Variants in CD99L2 observed in about 807,000 individuals in gnomAD.
The protein encoded by CD99L2 is CD99 molecule like 2, also known as CD99 antigen-like protein 2.
CD99L2 carries 24 observed loss-of-function variants against 27.3 expected under a neutral mutation model. The ratio of observed to expected loss-of-function variants is 0.88; its 90% CI spans 0.64 to 1.24. The LOEUF is 1.24. Among genes scored for constraint, CD99L2 ranks in the 50% most tolerant of loss-of-function variants. CD99L2 has a pLI of 0.00. For missense variants in CD99L2, 255 were observed against 221.6 expected (o/e 1.15, Z -0.96); for synonymous variants, 97 against 87.9 (o/e 1.10, Z -0.58).
At chrX:150,811,131 T>A (rs1268791763) in intron 4 of CD99L2, among the ~76,000 whole-genome samples, 1 of 112,182 alleles carries the variant, frequency 8.9e-6, no homozygotes, top group Non-Finnish European at 1.9e-5. Flanking sequence ...TAGACATTTC[T>A]CCAAAAAACA....
chrX:150,785,200 G>A (rs1334534788), intron 7 of CD99L2, among the ~76,000 whole-genome samples: 1 of 110,234 alleles, frequency 9.1e-6, no homozygotes, highest in Non-Finnish European at 1.9e-5. Flanking sequence ...AACTTATCTC[G>A]TAAGCAGTGG....
intron 4 of CD99L2, among the ~76,000 whole-genome samples, chrX:150,808,853 G>A (rs185952724): frequency 1.4e-3 from 157 of 111,059 alleles, no homozygotes; most frequent in African/African-American, 4.7e-3. Flanking sequence ...AAGCAGCCGC[G>A]AGTTCCGTGA....
intron 1 of CD99L2, among the ~76,000 whole-genome samples, chrX:150,842,522 G>A (rs1349266070): frequency 1.8e-5 from 2 of 111,845 alleles, no homozygotes; most frequent in Admixed American, 1.9e-4. Flanking sequence ...GAGATCATTT[G>A]ATGGGCCCCT....
At chrX:150,872,567 T>C (rs2047174558) in intron 1 of CD99L2, among the ~76,000 whole-genome samples, 1 of 91,350 alleles carries the variant, frequency 1.1e-5, no homozygotes, top group Non-Finnish European at 2.2e-5. Flanking sequence ...ACTTAAGAAC[T>C]ATACTAGATA....
At chrX:150,893,080 T>C (rs1212122799) in intron 1 of CD99L2, among the ~76,000 whole-genome samples, 4 of 111,205 alleles carry the variant, frequency 3.6e-5, no homozygotes, top group East Asian at 2.8e-4. Flanking sequence ...GATCGCACTA[T>C]TGCACTCCCA....
At chrX:150,794,521 T>C (rs2045756435) in intron 6 of CD99L2, among the ~76,000 whole-genome samples, 1 of 111,986 alleles carries the variant, frequency 8.9e-6, no homozygotes, top group Admixed American at 9.5e-5. Flanking sequence ...TATGAACGGG[T>C]AAAAGGTCCA....
At position 150,782,608 on chromosome X, in the gene CD99L2, G is replaced by A. The variant is rs138914854; in HGVS notation, c.497-5126C>T. Among the ~76,000 whole-genome samples, 102 of 112,128 alleles carry A rather than the reference G, an allele frequency of 9.1e-4. 2 individuals are homozygous for A. In the East Asian group the frequency reaches 0.021, roughly 23 times the overall value. The stretch of plus-strand genomic sequence containing the variant: ...GGAAGGGGAGTCTAAGGGAGCAAGT[G>A]GGTCTCTTCACATCACAGAACACCA... On this transcript the variant is annotated intron_variant, in intron 7 of 10. Transcript: ENST00000370377.
At chrX:150,796,111 T>C (rs1359027719) in intron 4 of CD99L2, among the ~76,000 whole-genome samples, 3 of 112,214 alleles carry the variant, frequency 2.7e-5, no homozygotes, top group Non-Finnish European at 5.6e-5. Flanking sequence ...GCTGTAACTG[T>C]TCCCACTATT....
chrX:150,893,244 T>C (rs1557422939), intron 1 of CD99L2, among the ~76,000 whole-genome samples: 1 of 111,650 alleles, frequency 9.0e-6, no homozygotes, highest in Non-Finnish European at 1.9e-5. Context: ...AGACTTTCTG[T>C]CAGACGAGCG....
At chrX:150,898,054 ACCCCCCCCCC>A (rs370763385) in intron 1 of CD99L2, among the ~76,000 whole-genome samples, 1 of 29,926 alleles carries the variant, frequency 3.3e-5, no homozygotes, top group Admixed American at 4.7e-4. Context: ...CGCCTCGCTG[ACCCCCCCCCC>A]CCCCCCCCAC....
chrX:150,819,742 T>G (rs1319910806), intron 2 of CD99L2, among the ~76,000 whole-genome samples: 1 of 111,254 alleles, frequency 9.0e-6, no homozygotes, highest in Non-Finnish European at 1.9e-5. Context: ...CCAAATAAAT[T>G]CAATAACCTA....
At chrX:150,778,361 C>G (rs1463294547) in intron 7 of CD99L2, among the ~76,000 whole-genome samples, 1 of 108,805 alleles carries the variant, frequency 9.2e-6, no homozygotes, top group African/African-American at 3.4e-5. Context: ...GGAAACCGCC[C>G]TGGGATATTG....
In CD99L2 at chrX:150,898,606, G is replaced by A. The variant is rs1384727621; in HGVS notation, c.-18C>T. 4.6e-6 allele frequency: 5 copies of A among 1,089,787 alleles called. No individual in the cohort carries two copies. The highest frequency in any genetic ancestry group is 3.8e-5 in the Admixed American group (1 of 26,405). 89.8% of individuals were successfully genotyped at this position (1,089,787 alleles called of 1,213,427 possible). ...GCCACCATGGCTGGGAGCAGGCGGA[G>A]GGCCCCGGAGGAGCACAGTTAGCGC... On this transcript the variant is annotated 5_prime_UTR_variant, in exon 1 of 11. Coordinates refer to ENST00000370377, the MANE Select transcript of CD99L2 (RefSeq NM_031462.4).
chrX:150,770,068 G>A lies in CD99L2; in HGVS notation c.721+236C>T, dbSNP rs532038033. 2.6e-4 allele frequency among the ~76,000 whole-genome samples: 29 copies of A among 113,110 alleles called. No homozygotes were observed. The South Asian group carries it at 9.4e-3, about 37-fold the overall frequency. ...GACGGACGAATCAAGGGCAGGGGCC[G>A]AGCAGCCGCAATGCCCAGAAGTCAC... On this transcript the variant is annotated intron_variant, in intron 10 of 10. Coordinates refer to ENST00000370377, the MANE Select transcript of CD99L2 (RefSeq NM_031462.4).
At chrX:150,801,712 G>A (rs1280565839) in intron 4 of CD99L2, among the ~76,000 whole-genome samples, 1 of 111,585 alleles carries the variant, frequency 9.0e-6, no homozygotes, top group Non-Finnish European at 1.9e-5. Context: ...AATGTATAAA[G>A]AGAATTAAAC....
rs563331895 is a variant in CD99L2, at chrX:150,850,663, T to C, written c.68-19370A>G. On this transcript the variant is annotated intron_variant, in intron 1 of 10. Transcript: ENST00000370377. ...TGAAGGACTAATATTTCCTATTCCA[T>C]TTTATCTCATTCAATATGCTAGTTG... Among the ~76,000 whole-genome samples, 31 of 111,887 alleles carry C rather than the reference T, an allele frequency of 2.8e-4. 2 individuals carry two copies. In the South Asian group the frequency reaches 0.012, roughly 42 times the overall value.
intron 9 of CD99L2, chrX:150,771,828 G>T (rs1557419091): frequency 2.9e-5 from 33 of 1,155,668 alleles, no homozygotes; most frequent in Non-Finnish European, 3.8e-5. Flanking sequence ...TGCATCTGAA[G>T]GCAAGACACA....
chrX:150,862,856 C>G (rs782534492), intron 1 of CD99L2, among the ~76,000 whole-genome samples: 3 of 99,559 alleles, frequency 3.0e-5, no homozygotes, highest in Non-Finnish European at 6.0e-5. Flanking sequence ...GAGAGAGAGA[C>G]AGAGAGAGAA....
intron 1 of CD99L2, among the ~76,000 whole-genome samples, chrX:150,883,104 G>A (rs1248851018): frequency 9.0e-6 from 1 of 111,528 alleles, no homozygotes; most frequent in Non-Finnish European, 1.9e-5. Context: ...CGGGAGAATC[G>A]CTTGAAGCCG....
Sources: gnomAD v4.1 joint callset for allele counts (sites outside exome capture counted in the v4.1 genomes callset) on GRCh38, gnomAD v4.1.1 for gene constraint, MANE v1.5 for transcripts, NCBI Gene and HGNC (gene_info 2026-07-23, HGNC 2026-07-21) for gene names.